The following WFS1 variants were observed in gnomAD, a reference collection of about 807,000 sequenced individuals.
The protein encoded by WFS1 is wolframin.
WFS1 carries 90 observed loss-of-function variants against 68.5 expected under a neutral mutation model. The ratio of observed to expected loss-of-function variants is 1.31; its 90% CI spans 1.11 to 1.56. The LOEUF is 1.56. Among genes scored for constraint, WFS1 ranks in the 40% most tolerant of loss-of-function variants. The pLI is 0.00. For missense variants in WFS1, 1,767 were observed against 1,232.6 expected, an observed-to-expected ratio of 1.43 and a Z score of -6.49; for synonymous variants, 860 against 540.7, an observed-to-expected ratio of 1.59 and a Z score of -8.19.
intron 7 of WFS1, among the ~76,000 whole-genome samples, chr4:6,299,893 G>C (rs1730805541): frequency 1.5e-5 from 1 of 66,244 alleles, no homozygotes; most frequent in South Asian, 7.0e-4. Context: ...TGTGTGTGTA[G>C]GGGTGGGTTG....
chr4:6,288,870 C>T, intron 3 of WFS1, 117 bp from the exon 4 acceptor site: 2 of 1,480,100 alleles, frequency 1.4e-6, no homozygotes, highest in Non-Finnish European at 1.8e-6. Flanking sequence ...CCATTTCTGC[C>T]CCTTCCTTCC....
chr4:6,298,949 C>G (rs989007111), intron 7 of WFS1, among the ~76,000 whole-genome samples: 1 of 152,226 alleles, frequency 6.6e-6, no homozygotes. Flanking sequence ...GTCATGTAGC[C>G]CCTCAGTGGG....
rs781262017 is a variant in WFS1 at position 6,301,309 on chromosome 4, G to GCCTGCTCTATGTCTA, written c.1525_1539dup (p.Val509_Tyr513dup). 6.2e-7 allele frequency: 1 copy of GCCTGCTCTATGTCTA among 1,611,424 alleles called. No individual in the cohort carries two copies. Among genetic ancestry groups the GCCTGCTCTATGTCTA allele is most frequent in the African/African-American group, 1.3e-5 (1 of 75,044 alleles). On this transcript the variant is annotated inframe_insertion, in exon 8 of 8. Transcript: ENST00000226760. ...GTCGTCCTCAACGTCAGCGTCCCGTGCCTGCTCTATGTCTACCTGCTCTAT... is the reference window on the plus strand; with the variant it reads ...GTCGTCCTCAACGTCAGCGTCCCGTGCCTGCTCTATGTCTACCTGCTCTATGTCTACCTGCTCTAT...
At chr4:6,286,652 T>G (rs1001591650) in intron 2 of WFS1, among the ~76,000 whole-genome samples, 6 of 152,238 alleles carry the variant, frequency 3.9e-5, no homozygotes, top group African/African-American at 1.4e-4. Context: ...ATGGAAAACA[T>G]GAACTTGATT....
At chr4:6,270,107 TCA>T (rs1225927054) in intron 1 of WFS1, 93 bp downstream of exon 1, 1 of 152,178 alleles carries the variant, frequency 6.6e-6, no homozygotes, top group East Asian at 1.9e-4. Flanking sequence ...TCTTCGGGCC[TCA>T]GTTTCCCCTT....
At chr4:6,294,697 G>A in intron 6 of WFS1, 1 of 365,238 alleles carries the variant, frequency 2.7e-6, no homozygotes, top group Admixed American at 3.8e-5. Flanking sequence ...ATGCACTGGA[G>A]GTGCATGTTG....
rs369671890 is a variant in WFS1 at position 6,277,628 on chromosome 4, C to T, written c.173C>T (p.Ala58Val). The change falls in exon 2 of 8, where the codon GCG becomes GTG. Residue 58 changes from alanine to valine, a missense_variant. Coordinates refer to ENST00000226760, the MANE Select transcript of WFS1 (RefSeq NM_006005.3). ...CCTGGCCCTGGTGTTAGAGACGCAG[C>T]GGCCCCCGCTGAACCCCAGGCCCAG... is the stretch of plus-strand genomic sequence containing the variant. ...AGPGPGVRDAAAPAEPQAQHT... is the reference protein window; with the variant it reads ...AGPGPGVRDAVAPAEPQAQHT... 83 of 1,571,074 alleles carry T rather than the reference C, an allele frequency of 5.3e-5. 1 individual carries two copies. The East Asian group carries it at 9.4e-4, about 18-fold the overall frequency.
intron 2 of WFS1, among the ~76,000 whole-genome samples, chr4:6,284,365 C>T (rs1730251007): frequency 1.3e-5 from 2 of 152,050 alleles, no homozygotes; most frequent in Non-Finnish European, 1.5e-5. Context: ...GAGAGTGAAA[C>T]TCTGTCTCAA....
At chr4:6,294,017 A>G (rs28625666) in intron 6 of WFS1, among the ~76,000 whole-genome samples, 1 of 152,068 alleles carries the variant, frequency 6.6e-6, no homozygotes, top group East Asian at 1.9e-4. Flanking sequence ...TCTTTGCTGC[A>G]GCTACACCTG....
chr4:6,288,828 G>A, intron 3 of WFS1, 159 bp from the exon 4 acceptor site: 2 of 1,108,546 alleles, frequency 1.8e-6, no homozygotes, highest in South Asian at 2.7e-5. Context: ...GGCTCAGTAG[G>A]GCCTAGCCTA....
chr4:6,272,769 G>A (rs141183988), intron 1 of WFS1, among the ~76,000 whole-genome samples: 19 of 152,306 alleles, frequency 1.2e-4, no homozygotes, highest in African/African-American at 4.3e-4. Context: ...TTTTTTGGCA[G>A]ATAAATTTTG....
chr4:6,294,604 G>C (rs941226860), intron 6 of WFS1, among the ~76,000 whole-genome samples: 2 of 152,098 alleles, frequency 1.3e-5, no homozygotes, highest in African/African-American at 4.8e-5. Flanking sequence ...TCGATGGAGC[G>C]GTTGGCAGGG....
intron 4 of WFS1, among the ~76,000 whole-genome samples, chr4:6,290,292 T>G (rs573537101): frequency 1.3e-5 from 2 of 152,326 alleles, no homozygotes; most frequent in African/African-American, 4.8e-5. Flanking sequence ...CTTTGAAAAT[T>G]AAACTGATGA....
In WFS1 at chr4:6,291,106, G is replaced by C. The variant is rs71539642; in HGVS notation, c.461-91G>C. Reference sequence around the variant, plus strand: ...CTGACACCTTCTATGAGTCTCGCTCGAAAGCCTTCCAGGCAGAGTTGGCAG... The same window carrying C: ...CTGACACCTTCTATGAGTCTCGCTCCAAAGCCTTCCAGGCAGAGTTGGCAG... On this transcript the variant is annotated intron_variant, in intron 4 of 7. Coordinates refer to ENST00000226760, the MANE Select transcript of WFS1 (RefSeq NM_006005.3). 2.7e-6 allele frequency: 4 copies of C among 1,472,760 alleles called. No individual in the cohort carries two copies. In the South Asian group the frequency reaches 4.6e-5, roughly 17 times the overall value. The allele number at this position is 1,472,760 out of a possible 1,614,324, so 91.2% of individuals were successfully genotyped here. A position where few individuals can be genotyped will look rare whatever the true frequency, so the allele number is the denominator to read the frequency against.
intron 7 of WFS1, among the ~76,000 whole-genome samples, chr4:6,299,093 G>C (rs916937438): frequency 3.3e-5 from 5 of 152,372 alleles, no homozygotes; most frequent in Admixed American, 2.6e-4. Flanking sequence ...GCCATGCTGT[G>C]TGAGCACTGG....
Position 6,281,664 on chromosome 4 carries a change from C to G in WFS1, c.232+3977C>G, listed in dbSNP as rs776792901. ...TTAGTCTTAGAGGGTACAAGGGGGC[C>G]CAGGAGGGACTGGGGCTCTGATGCA... On this transcript the variant is annotated intron_variant, in intron 2 of 7. Transcript: ENST00000226760. 9.3e-4 allele frequency among the ~76,000 whole-genome samples: 141 copies of G among 152,124 alleles called. 1 individual carries two copies. Among genetic ancestry groups the G allele is most frequent in the Non-Finnish European group, 1.3e-3 (90 of 67,986 alleles).
intron 7 of WFS1, among the ~76,000 whole-genome samples, chr4:6,297,589 C>G (rs1425009444): frequency 6.6e-6 from 1 of 152,184 alleles, no homozygotes; most frequent in Non-Finnish European, 1.5e-5. Flanking sequence ...CGTCTCGGCT[C>G]CCTTCCCCAG....
At chr4:6,297,224 C>T (rs192778009) in intron 7 of WFS1, among the ~76,000 whole-genome samples, 63 of 152,278 alleles carry the variant, frequency 4.1e-4, no homozygotes, top group Non-Finnish European at 6.9e-4. Context: ...CAGAGCACTT[C>T]GATTCCTTTG....
At chr4:6,276,731 T>C (rs1730005777) in intron 1 of WFS1, among the ~76,000 whole-genome samples, 1 of 152,242 alleles carries the variant, frequency 6.6e-6, no homozygotes, top group African/African-American at 2.4e-5. Flanking sequence ...CTTGGTGGCT[T>C]AAAACAACAG....
Sources: allele counts gnomAD v4.1 joint callset (sites outside exome capture counted in the v4.1 genomes callset), GRCh38; gene constraint gnomAD v4.1.1; transcripts MANE v1.5; gene names NCBI Gene and HGNC (gene_info 2026-07-23, HGNC 2026-07-21).